CCDC171: variants seen among roughly 807,000 people sequenced by gnomAD.
The protein encoded by CCDC171 is coiled-coil domain containing 171.
In CCDC171, 177 loss-of-function variants were observed where a neutral mutation model predicts 168.2. That is an observed-to-expected ratio of 1.05 (90% CI 0.93 to 1.19). The LOEUF is 1.19. Ranked by LOEUF, CCDC171 falls within the 50% of genes most tolerant of loss-of-function variation. The probability of loss-of-function intolerance (pLI) is 0.00; values close to 1 mark genes in which losing one functional copy is unlikely to be tolerated. For missense variants in CCDC171, 1,991 were observed against 1,539.0 expected, an observed-to-expected ratio of 1.29 and a Z score of -4.91; for synonymous variants, 687 against 540.8, an observed-to-expected ratio of 1.27 and a Z score of -3.75.
chr9:15,579,437 C>G (rs1232916827), intron 4 of CCDC171, among the ~76,000 whole-genome samples: 1 of 152,122 alleles, frequency 6.6e-6, no homozygotes, highest in East Asian at 1.9e-4. Flanking sequence ...ATTGATTTTG[C>G]CAGGTTTAGA....
rs570279282 is a variant in CCDC171 at position 15,662,371 on chromosome 9, A to C, written c.916-3792A>C. Reference sequence around the variant, plus strand: ...ATTCTGGTGATTATCATTTTTATGGATTAATGTTGAAACATTTTCATAGTG... The same window carrying C: ...ATTCTGGTGATTATCATTTTTATGGCTTAATGTTGAAACATTTTCATAGTG... On this transcript the variant is annotated intron_variant, in intron 8 of 25. Transcript: ENST00000380701. Among the ~76,000 whole-genome samples the C allele has an allele frequency of 5.3e-5, 8 of 150,708 alleles. No individual in the cohort carries two copies. In the South Asian group the frequency reaches 1.7e-3, roughly 32 times the overall value.
intron 6 of CCDC171, among the ~76,000 whole-genome samples, chr9:16,033,143 A>C (rs1025132419): frequency 3.9e-5 from 6 of 152,326 alleles, no homozygotes; most frequent in African/African-American, 1.2e-4. Flanking sequence ...TAAAACCACA[A>C]GCAGGCATCA....
intron 1 of CCDC171, among the ~76,000 whole-genome samples, chr9:15,555,303 A>G (rs2038697333): frequency 6.6e-6 from 1 of 152,214 alleles, no homozygotes; most frequent in Non-Finnish European, 1.5e-5. Context: ...ATACATTAAC[A>G]TAAAAAGCTA....
chr9:15,931,192 A>G (rs2132139218), intron 25 of CCDC171, among the ~76,000 whole-genome samples: 1 of 151,930 alleles, frequency 6.6e-6, no homozygotes, highest in East Asian at 1.9e-4. Flanking sequence ...GTACTACTTT[A>G]CAACCCTACC....
At chr9:15,685,771 C>G (rs2050351362) in intron 10 of CCDC171, among the ~76,000 whole-genome samples, 2 of 152,108 alleles carry the variant, frequency 1.3e-5, no homozygotes, top group South Asian at 2.1e-4. Flanking sequence ...AACTTGTCAA[C>G]TGTAAAACAA....
chr9:15,793,812 G>A (rs887558025), intron 21 of CCDC171, among the ~76,000 whole-genome samples: 1 of 151,958 alleles, frequency 6.6e-6, no homozygotes, highest in African/African-American at 2.4e-5. Context: ...CTCCCAAAGT[G>A]CTGGGATTAT....
chr9:15,954,052 G>A (rs188269194), intron 25 of CCDC171, among the ~76,000 whole-genome samples: 197 of 150,430 alleles, frequency 1.3e-3, no homozygotes, highest in Middle Eastern at 6.9e-3. Flanking sequence ...AGTAATTTGA[G>A]TTTCTTTTTT....
chr9:15,996,812 T>G (rs1832388222), intron 3 of CCDC171, among the ~76,000 whole-genome samples: 1 of 152,170 alleles, frequency 6.6e-6, no homozygotes, highest in Admixed American at 6.5e-5. Context: ...TTATAATTAT[T>G]TAAAATATTA....
chr9:15,766,569 C>T (rs1212671638), intron 18 of CCDC171, among the ~76,000 whole-genome samples: 1 of 151,950 alleles, frequency 6.6e-6, no homozygotes, highest in Non-Finnish European at 1.5e-5. Context: ...TAAGGAAGAG[C>T]TTGTTCATGT....
intron 23 of CCDC171, among the ~76,000 whole-genome samples, chr9:15,863,177 A>C (rs1404041870): frequency 6.6e-6 from 1 of 151,984 alleles, no homozygotes; most frequent in Non-Finnish European, 1.5e-5. Flanking sequence ...CGCACAGTCC[A>C]ATTCCTTCCC....
At chr9:15,825,252 A>G (rs2059964251) in intron 21 of CCDC171, among the ~76,000 whole-genome samples, 1 of 152,118 alleles carries the variant, frequency 6.6e-6, no homozygotes, top group Non-Finnish European at 1.5e-5. Flanking sequence ...TTGATAACTA[A>G]AAATATAGAC....
In CCDC171 at chr9:15,778,998, C is replaced by T. The variant is rs773098623; in HGVS notation, c.2929C>T (p.Leu977Phe). Residue 977 changes from leucine (L) to phenylalanine (F), a missense_variant, in exon 20 of 26, where the codon CTT becomes TTT. Coordinates refer to ENST00000380701, the MANE Select transcript of CCDC171 (RefSeq NM_173550.4). ...KSTASLQKQI[L>F]GFTQRLHAAE... ...CACAGCATCGTTGCAGAAGCAAATACTTGGATTTACACAAAGACTGCATGC... is the reference window on the plus strand; with the variant it reads ...CACAGCATCGTTGCAGAAGCAAATATTTGGATTTACACAAAGACTGCATGC... 3.9e-6 allele frequency: 6 copies of T among 1,544,166 alleles called. No individual in the cohort carries two copies. The highest frequency in any genetic ancestry group is 2.8e-5 in the African/African-American group (2 of 72,078).
rs569052361 is a variant in CCDC171 at position 15,603,327 on chromosome 9, G to A, written c.675+9155G>A. 2.0e-5 allele frequency among the ~76,000 whole-genome samples: 3 copies of A among 152,296 alleles called. No homozygotes were observed. The East Asian group carries it at 5.8e-4, about 29-fold the overall frequency. On this transcript the variant is annotated intron_variant, in intron 6 of 25. Coordinates refer to ENST00000380701, the MANE Select transcript of CCDC171 (RefSeq NM_173550.4). ...ACATAGGTACACATGTGCCATGGTG[G>A]TTTGCTGCTCCTGTCAACCCATCAC...
intron 18 of CCDC171, among the ~76,000 whole-genome samples, chr9:15,762,002 A>G (rs2056470692): frequency 6.6e-6 from 1 of 152,170 alleles, no homozygotes. Context: ...ACAACTATGC[A>G]AAATCTTACT....
intron 3 of CCDC171, among the ~76,000 whole-genome samples, chr9:15,577,486 C>G (rs2040761365): frequency 6.6e-6 from 1 of 152,198 alleles, no homozygotes; most frequent in African/African-American, 2.4e-5. Flanking sequence ...TGCTGTAGAT[C>G]ACTAGAATCC....
At chr9:15,876,790 T>C (rs892739564) in intron 24 of CCDC171, among the ~76,000 whole-genome samples, 2 of 152,126 alleles carry the variant, frequency 1.3e-5, no homozygotes, top group Non-Finnish European at 2.9e-5. Flanking sequence ...GTGTGGCTAC[T>C]GACTTGGGAA....
chr9:15,726,524 T>G (rs1411545206), intron 14 of CCDC171, among the ~76,000 whole-genome samples: 1 of 152,228 alleles, frequency 6.6e-6, no homozygotes, highest in African/African-American at 2.4e-5. Context: ...AAAGTCATCA[T>G]TAACTGCTTA....
chr9:15,711,306 T>A (rs994453270), intron 11 of CCDC171, among the ~76,000 whole-genome samples: 2 of 152,190 alleles, frequency 1.3e-5, no homozygotes, highest in African/African-American at 4.8e-5. Flanking sequence ...TTTTAAAAAT[T>A]CACTTTAAAT....
intron 21 of CCDC171, among the ~76,000 whole-genome samples, chr9:15,843,660 C>A (rs1283510427): frequency 6.6e-6 from 1 of 152,080 alleles, no homozygotes; most frequent in East Asian, 1.9e-4. Context: ...ATCTTCCTTT[C>A]TACCTAATTG....
Sources: gnomAD v4.1 joint callset for allele counts (sites outside exome capture counted in the v4.1 genomes callset) on GRCh38, gnomAD v4.1.1 for gene constraint, MANE v1.5 for transcripts, NCBI Gene and HGNC (gene_info 2026-07-23, HGNC 2026-07-21) for gene names.